The following CACNA1A variants were observed in gnomAD, a reference collection of about 807,000 sequenced individuals.
The protein encoded by CACNA1A is voltage-dependent P/Q-type calcium channel subunit alpha-1A.
A neutral mutation model predicts 262.4 loss-of-function variants in CACNA1A; 57 were observed. The observed-to-expected ratio is 0.22, with a 90% CI of 0.18 to 0.27. The LOEUF is 0.27. CACNA1A is among the 10% of genes least tolerant of loss of function. The probability of loss-of-function intolerance (pLI) is 1.00; values close to 1 mark genes in which losing one functional copy is unlikely to be tolerated. For missense variants in CACNA1A, 2,526 were observed against 3,562.8 expected (o/e 0.71, Z 7.41); for synonymous variants, 1,431 against 1,419.3 (o/e 1.01, Z -0.18).
At chr19:13,386,166 A>G (rs915815110) in intron 3 of CACNA1A, among the ~76,000 whole-genome samples, 4 of 149,160 alleles carry the variant, frequency 2.7e-5, no homozygotes, top group Non-Finnish European at 4.4e-5. Flanking sequence ...AAAAAAAAAA[A>G]AAGAAGAAGA....
At chr19:13,292,330 C>T (rs537728217) in intron 19 of CACNA1A, among the ~76,000 whole-genome samples, 7 of 152,068 alleles carry the variant, frequency 4.6e-5, no homozygotes, top group South Asian at 2.1e-4. Context: ...AAAATATGAT[C>T]GGCCTGGCAA....
chr19:13,426,211 G>T (rs1448317405), intron 3 of CACNA1A, among the ~76,000 whole-genome samples: 1 of 152,162 alleles, frequency 6.6e-6, no homozygotes, highest in Non-Finnish European at 1.5e-5. Flanking sequence ...AGATACTTAA[G>T]TTATTGGACA....
chr19:13,341,515 C>T (rs183459418), intron 6 of CACNA1A, among the ~76,000 whole-genome samples: 162 of 152,342 alleles, frequency 1.1e-3, no homozygotes, highest in African/African-American at 3.8e-3. Context: ...TTTATCTCCT[C>T]CCCTTTTCCC....
intron 19 of CACNA1A, among the ~76,000 whole-genome samples, chr19:13,293,034 G>A (rs2057578866): frequency 6.6e-6 from 1 of 152,170 alleles, no homozygotes; most frequent in South Asian, 2.1e-4. Context: ...TGAAAGTGGG[G>A]AGATAGTTTC....
intron 1 of CACNA1A, among the ~76,000 whole-genome samples, chr19:13,486,368 C>CTG (rs376199929): frequency 6.6e-4 from 84 of 126,778 alleles, no homozygotes; most frequent in Admixed American, 6.5e-4. Flanking sequence ...TTTGTTCTGT[C>CTG]TCTCTCTCTC....
At position 13,314,582 on chromosome 19, in the gene CACNA1A, A is replaced by G. The variant is rs550081064; in HGVS notation, c.1556-1801T>C. On this transcript the variant is annotated intron_variant, in intron 11 of 46. Transcript: ENST00000360228. ...TCAAGGTGCAATCTTGGAAGCAGAG[A>G]GTAGCTTTCGCCAGACAGGGAAACC... 8.5e-5 allele frequency among the ~76,000 whole-genome samples: 13 copies of G among 152,238 alleles called. No individual in the cohort carries two copies. In the East Asian group the frequency reaches 2.5e-3, roughly 29 times the overall value.
At chr19:13,311,848 A>T (rs2058041528) in intron 12 of CACNA1A, among the ~76,000 whole-genome samples, 1 of 152,146 alleles carries the variant, frequency 6.6e-6, no homozygotes, top group African/African-American at 2.4e-5. Flanking sequence ...AAAACAAAAA[A>T]TAAAAACAAA....
intron 3 of CACNA1A, among the ~76,000 whole-genome samples, chr19:13,418,860 AT>A (rs2144774988): frequency 6.6e-6 from 1 of 151,974 alleles, no homozygotes; most frequent in South Asian, 2.1e-4. Context: ...TTATAACTGT[AT>A]TTTTACTGTA....
chr19:13,335,076 A>G (rs2058540818), intron 7 of CACNA1A, among the ~76,000 whole-genome samples: 1 of 152,046 alleles, frequency 6.6e-6, no homozygotes, highest in Non-Finnish European at 1.5e-5. Flanking sequence ...GGATAAAACC[A>G]TGCCATGCCA....
intron 1 of CACNA1A, among the ~76,000 whole-genome samples, chr19:13,493,379 T>A (rs1322648271): frequency 6.6e-6 from 1 of 152,252 alleles, no homozygotes; most frequent in Non-Finnish European, 1.5e-5. Context: ...CATTTTAAGA[T>A]GCTGAACTGC....
At position 13,207,698 on chromosome 19, in the gene CACNA1A, G is replaced by C. The variant is rs2054617641; in HGVS notation, c.7136C>G (p.Ser2379Cys). Reference sequence around the variant, plus strand: ...CCCGCCGTGTCGACAGGCCCTGGGGGACTCGCTCCGGGCCGGGCCTGGGAC... The same window carrying C: ...CCCGCCGTGTCGACAGGCCCTGGGGCACTCGCTCCGGGCCGGGCCTGGGAC... ...RRVPGPARSE[S>C]PRACRHGGAR... The change falls in exon 47 of 47, where the codon TCC becomes TGC. Residue 2379 changes from serine to cysteine, a missense_variant. By Grantham distance (112) the Ser-to-Cys change is moderately radical. Around this residue, in one of 17 missense-constraint regions of CACNA1A, gnomAD observed 929 missense variants for 868.1 expected, o/e 1.07. Coordinates refer to ENST00000360228, the MANE Select transcript of CACNA1A (RefSeq NM_001127222.2). This position sits in a 1 kb window ranked among gnomAD's most constrained non-coding sequence, Gnocchi z 5.7. 2 of 1,381,862 alleles carry C rather than the reference G, an allele frequency of 1.4e-6. No individual in the cohort carries two copies. The highest frequency in any genetic ancestry group is 1.5e-5 in the African/African-American group (1 of 66,070). The allele number at this position is 1,381,862 out of a possible 1,614,324, so 85.6% of individuals were successfully genotyped here. A position where few individuals can be genotyped will look rare whatever the true frequency, so the allele number is the denominator to read the frequency against.
At chr19:13,288,548 G>T (rs530818554) in intron 19 of CACNA1A, among the ~76,000 whole-genome samples, 1 of 152,014 alleles carries the variant, frequency 6.6e-6, no homozygotes, top group Non-Finnish European at 1.5e-5. Flanking sequence ...TAGAGCCACC[G>T]TGCCTGGCCA....
intron 11 of CACNA1A, among the ~76,000 whole-genome samples, chr19:13,313,268 T>C (rs1273331319): frequency 1.3e-5 from 2 of 151,960 alleles, no homozygotes; most frequent in Admixed American, 1.3e-4. Context: ...TTGGGAGGCC[T>C]AGGCGGTCAG....
At chr19:13,341,601 T>C (rs2145168042) in intron 6 of CACNA1A, among the ~76,000 whole-genome samples, 1 of 152,298 alleles carries the variant, frequency 6.6e-6, no homozygotes, top group East Asian at 1.9e-4. Flanking sequence ...CCTCGGCCCT[T>C]GCACAGGCTG....
At chr19:13,396,903 G>T (rs889883865) in intron 3 of CACNA1A, among the ~76,000 whole-genome samples, 7 of 152,046 alleles carry the variant, frequency 4.6e-5, no homozygotes, top group Admixed American at 6.6e-5. Flanking sequence ...TTGCTTCCCT[G>T]CTCCCTCCCT....
chr19:13,336,594 G>GGAGAGAGAGAGAGA (rs547329827), intron 6 of CACNA1A, among the ~76,000 whole-genome samples: 39 of 65,484 alleles, frequency 6.0e-4, no homozygotes, highest in South Asian at 1.3e-3. Context: ...AGAGAGAGAG[G>GGAGAGAGAGAGAGA]GAGAGAGAGA....
At chr19:13,420,337 C>T (rs184680930) in intron 3 of CACNA1A, among the ~76,000 whole-genome samples, 32 of 151,828 alleles carry the variant, frequency 2.1e-4, no homozygotes, top group East Asian at 1.4e-3. Context: ...ATACTATTTC[C>T]CCCAAATTCG....
intron 1 of CACNA1A, among the ~76,000 whole-genome samples, chr19:13,488,886 T>G (rs1042658538): frequency 1.3e-5 from 2 of 151,818 alleles, no homozygotes; most frequent in African/African-American, 4.8e-5. Context: ...AGTAGGATGC[T>G]CTAGATCTGC....
intron 3 of CACNA1A, among the ~76,000 whole-genome samples, chr19:13,448,952 T>C (rs2060865827): frequency 6.6e-6 from 1 of 151,924 alleles, no homozygotes; most frequent in Non-Finnish European, 1.5e-5. Context: ...TTCTCTTTTC[T>C]TTTTTTTATT....
Sources: allele counts gnomAD v4.1 joint callset (sites outside exome capture counted in the v4.1 genomes callset), GRCh38; gene constraint gnomAD v4.1.1; regional missense constraint gnomAD v4.1.1; non-coding constraint Gnocchi (gnomAD v3.1); transcripts MANE v1.5; gene names NCBI Gene and HGNC (gene_info 2026-07-23, HGNC 2026-07-21).